Variants in TRPM7 observed in about 807,000 individuals in gnomAD.
TRPM7 encodes LTRPC ion channel family member 7.
TRPM7 carries 134 observed loss-of-function variants against 229.7 expected under a neutral mutation model. The observed-to-expected ratio is 0.58, with a 90% CI of 0.51 to 0.67. The LOEUF (loss-of-function observed/expected upper bound fraction) is 0.67. Ranked by LOEUF, TRPM7 falls within the 30% of genes least tolerant of loss-of-function variation. TRPM7 has a pLI of 0.00. For missense variants in TRPM7, 1,901 were observed against 2,210.0 expected (o/e 0.86, Z 2.80); for synonymous variants, 699 against 715.2 (o/e 0.98, Z 0.36).
intron 8 of TRPM7, among the ~76,000 whole-genome samples, chr15:50,633,462 TC>T (rs1241451478): frequency 6.6e-6 from 1 of 152,174 alleles, no homozygotes; most frequent in Non-Finnish European, 1.5e-5. Context: ...TCTGCCCAGT[TC>T]TATCACAACT....
chr15:50,615,990 A>G (rs888078560), intron 13 of TRPM7, among the ~76,000 whole-genome samples: 6 of 152,188 alleles, frequency 3.9e-5, no homozygotes, highest in Non-Finnish European at 8.8e-5. Flanking sequence ...AAATCAAAAT[A>G]CCTATTTCCA....
chr15:50,655,452 A>C (rs957086351), intron 3 of TRPM7, among the ~76,000 whole-genome samples: 4 of 144,340 alleles, frequency 2.8e-5, no homozygotes, highest in South Asian at 2.1e-4. Flanking sequence ...AAAAAACAAA[A>C]AAACAAAAAA....
intron 7 of TRPM7, among the ~76,000 whole-genome samples, chr15:50,635,658 A>C (rs1352507082): frequency 8.4e-6 from 1 of 118,900 alleles, no homozygotes; most frequent in Non-Finnish European, 1.7e-5. Flanking sequence ...GCAAGACTCC[A>C]TCTCCCAAAA....
intron 12 of TRPM7, among the ~76,000 whole-genome samples, chr15:50,621,138 C>A (rs2060388982): frequency 2.8e-5 from 3 of 109,000 alleles, no homozygotes; most frequent in Non-Finnish European, 3.4e-5. Flanking sequence ...CCAGCCTGGG[C>A]AACAGCGAGA....
At position 50,624,260 on chromosome 15, in the gene TRPM7, A is replaced by T. The variant is rs1440193697; in HGVS notation, c.1346T>A (p.Met449Lys). 6.2e-7 allele frequency: 1 copy of T among 1,611,982 alleles called. No individual in the cohort carries two copies. Among genetic ancestry groups the T allele is most frequent in the Non-Finnish European group, 8.5e-7 (1 of 1,179,088 alleles). Residue 449 changes from methionine to lysine, a missense_variant, in exon 12 of 39, where the codon ATG becomes AAG. Physicochemically the swap from Met to Lys is moderately conservative, Grantham distance 95. Transcript: ENST00000646667. ...AAGTTTTACAAATGCAACTCTATCCATTACAAGAGCATCAAGCATAGCTTG... is the reference window on the plus strand; with the variant it reads ...AAGTTTTACAAATGCAACTCTATCCTTTACAAGAGCATCAAGCATAGCTTG... ...LEQAMLDALV[M>K]DRVAFVKLLI...
At chr15:50,627,736 G>T (rs539285906) in intron 11 of TRPM7, among the ~76,000 whole-genome samples, 8 of 152,260 alleles carry the variant, frequency 5.3e-5, no homozygotes, top group African/African-American at 1.9e-4. Context: ...GATGGAATTG[G>T]ATTGGAATAC....
At chr15:50,679,551 T>TTTTG (rs2062197944) in intron 1 of TRPM7, among the ~76,000 whole-genome samples, 1 of 121,910 alleles carries the variant, frequency 8.2e-6, no homozygotes, top group Admixed American at 8.2e-5. Context: ...TTTTTTTTTT[T>TTTTG]TTGAGACAGA....
Position 50,614,227 on chromosome 15 carries a change from C to A in TRPM7, c.1531G>T (p.Asp511Tyr), listed in dbSNP as rs758915218. Residue 511 changes from aspartate to tyrosine, a missense_variant, in exon 14 of 39, where the codon GAT (aspartate) becomes TAT (tyrosine). By Grantham distance (160) the Asp-to-Tyr change is radical. Coordinates refer to ENST00000646667, the MANE Select transcript of TRPM7 (RefSeq NM_017672.6). The stretch of plus-strand genomic sequence containing the variant: ...AGATATTCAATAACAAGTCCTATAT[C>A]AATCAGAGTGATCTTATATCCTGGA... ...LPPGYKITLI[D>Y]IGLVIEYLMG... 1 of 1,610,872 alleles carries A rather than the reference C, an allele frequency of 6.2e-7. No individual in the cohort carries two copies. Among genetic ancestry groups the A allele is most frequent in the Non-Finnish European group, 8.5e-7 (1 of 1,178,782 alleles).
Position 50,641,012 on chromosome 15 carries a change from CA to C in TRPM7, c.536-1465del, listed in dbSNP as rs537861872. 1.8e-4 allele frequency among the ~76,000 whole-genome samples: 27 copies of C among 152,308 alleles called. No homozygotes were observed. The South Asian group carries it at 5.6e-3, about 32-fold the overall frequency. ...TGATATTTGGTTACAGCAGCCCCGG[CA>C]AACTAATGCATCACTCAGTTTGATC... On this transcript the variant is annotated intron_variant, in intron 5 of 38. Transcript: ENST00000646667.
At chr15:50,591,429 A>G (rs140038190) in intron 26 of TRPM7, among the ~76,000 whole-genome samples, 1 of 151,994 alleles carries the variant, frequency 6.6e-6, no homozygotes, top group African/African-American at 2.4e-5. Flanking sequence ...TCCATCAAAG[A>G]GGTTATGTGC....
In TRPM7 at chr15:50,609,869, A is replaced by C; in HGVS notation, c.2373T>G (p.Ala791=). 2 of 1,613,284 alleles carry C rather than the reference A, an allele frequency of 1.2e-6. No individual in the cohort carries two copies. Among genetic ancestry groups the C allele is most frequent in the Non-Finnish European group, 1.7e-6 (2 of 1,179,538 alleles). ...EMSHIPQSQD[A]HQMTMDDSEN... Reference sequence around the variant, plus strand: ...CGCTGTCATCCATTGTCATCTGATGAGCATCTTGAGATTGTGGGATATGGG... The same window carrying C: ...CGCTGTCATCCATTGTCATCTGATGCGCATCTTGAGATTGTGGGATATGGG... The change falls in exon 18 of 39, where the codon GCT becomes GCG. Residue 791 remains alanine, a synonymous_variant. Coordinates refer to ENST00000646667, the MANE Select transcript of TRPM7 (RefSeq NM_017672.6).
chr15:50,634,360 T>C, intron 8 of TRPM7, 22 bp downstream of exon 8: 1 of 1,453,136 alleles, frequency 6.9e-7, no homozygotes, highest in South Asian at 1.5e-5. Context: ...TAAAATTAAT[T>C]AAAATGTTGT....
chr15:50,574,404 T>C lies in TRPM7; in HGVS notation c.5178A>G (p.Glu1726=). The part of the protein sequence containing the change: ...WFAVEECMTG[E]FRKYNNNNGD... ...CATTATTATTGTTGTATTTTCTAAA[T>C]TCTCCAGTCATACATTCTTCCACAG... Residue 1726 remains glutamate, a synonymous_variant, in exon 36 of 39, where the codon GAA becomes GAG. Transcript: ENST00000646667. The C allele has an allele frequency of 6.2e-7, 1 of 1,614,022 alleles. No homozygotes were observed. Among genetic ancestry groups the C allele is most frequent in the Non-Finnish European group, 8.5e-7 (1 of 1,179,992 alleles).
chr15:50,561,843 AAG>A, intron 38 of TRPM7, 35 bp from the exon 39 acceptor site: 14 of 1,486,492 alleles, frequency 9.4e-6, no homozygotes, highest in East Asian at 2.4e-5. Context: ...AAAAAAAAAA[AAG>A]AAAGAGAAAA....
intron 38 of TRPM7, among the ~76,000 whole-genome samples, chr15:50,567,295 T>C (rs1467266750): frequency 6.6e-6 from 1 of 152,124 alleles, no homozygotes; most frequent in Non-Finnish European, 1.5e-5. Context: ...TCATTTAGCA[T>C]TAGGTATATC....
intron 21 of TRPM7, among the ~76,000 whole-genome samples, chr15:50,599,961 C>T (rs549655991): frequency 5.9e-5 from 9 of 152,222 alleles, no homozygotes; most frequent in African/African-American, 1.9e-4. Flanking sequence ...TGAGCTAAAA[C>T]CTAGTAATTC....
intron 1 of TRPM7, among the ~76,000 whole-genome samples, chr15:50,673,741 G>A (rs527311878): frequency 5.3e-5 from 8 of 152,040 alleles, no homozygotes; most frequent in Admixed American, 4.6e-4. Flanking sequence ...ATAAACATGC[G>A]TACGCAAGTA....
chr15:50,665,627 C>T (rs12440585), intron 1 of TRPM7, among the ~76,000 whole-genome samples: 146,430 of 152,302 alleles, frequency 0.96, 70,411 homozygotes, highest in East Asian at 1. Flanking sequence ...ATTCTATGCA[C>T]TTGAAAACCT....
chr15:50,580,761 A>T, intron 30 of TRPM7, 113 bp downstream of exon 30: 1 of 938,134 alleles, frequency 1.1e-6, no homozygotes. Flanking sequence ...GCTAGAATAA[A>T]TAATCATCAC....
Sources: gnomAD v4.1 joint callset for allele counts (sites outside exome capture counted in the v4.1 genomes callset) on GRCh38, gnomAD v4.1.1 for gene constraint, MANE v1.5 for transcripts, NCBI Gene and HGNC (gene_info 2026-07-23, HGNC 2026-07-21) for gene names.